Variants in OR13A1 observed in about 807,000 individuals in gnomAD.
OR13A1 encodes the protein olfactory receptor family 13 subfamily A member 1, also known as olfactory receptor 13A1.
In OR13A1, 10 loss-of-function variants were observed where a neutral mutation model predicts 7.5. That is an observed-to-expected ratio of 1.34 (90% confidence interval 0.83 to 2.27). The LOEUF is 2.27. Among genes scored for constraint, OR13A1 ranks in the 30% most tolerant of loss-of-function variants. The pLI is 0.00. For synonymous variants in OR13A1, 238 were observed against 177.9 expected (o/e 1.34, Z -2.69); for missense variants, 509 against 419.1 (o/e 1.21, Z -1.87).
intron 1 of OR13A1, among the ~76,000 whole-genome samples, chr10:45,312,151 A>G (rs1344190323): frequency 6.6e-6 from 1 of 152,122 alleles, no homozygotes. Context: ...ATTAGACCCC[A>G]TAAGGGCATG....
Position 45,309,862 on chromosome 10 carries a change from A to C in OR13A1, c.-224-2054T>G, listed in dbSNP as rs1261698289. On this transcript the variant is annotated intron_variant, in intron 1 of 3. Coordinates refer to ENST00000553795, the MANE Select transcript of OR13A1 (RefSeq NM_001004297.3). Reference sequence around the variant, plus strand: ...AGTTCATTAATGGCTTTGAGACTTTACTCTGTTTCTTAAATAGCTGCAGAA... The same window carrying C: ...AGTTCATTAATGGCTTTGAGACTTTCCTCTGTTTCTTAAATAGCTGCAGAA... 7.2e-5 allele frequency among the ~76,000 whole-genome samples: 11 copies of C among 152,282 alleles called. No homozygotes were observed. The East Asian group carries it at 2.1e-3, about 29-fold the overall frequency.
rs941261028 is a variant in OR13A1 at position 45,302,763 on chromosome 10, C to T, written c.*673G>A. The T allele has an allele frequency of 6.6e-6, 1 of 152,162 alleles. No homozygotes were observed. The highest frequency in any genetic ancestry group is 1.9e-4 in the East Asian group (1 of 5,188). 9.4% of individuals were successfully genotyped at this position (152,162 alleles called of 1,614,324 possible). ...GGATAGCAATGCCTTACTACAATGC[C>T]GTTTAACTTATTAGAGCTGACTCAT... On this transcript the variant is annotated 3_prime_UTR_variant, in exon 4 of 4. Transcript: ENST00000553795.
At chr10:45,310,025 G>A (rs979349118) in intron 1 of OR13A1, among the ~76,000 whole-genome samples, 3 of 152,110 alleles carry the variant, frequency 2.0e-5, no homozygotes, top group African/African-American at 7.2e-5. Flanking sequence ...CATGTTAGTT[G>A]TCATTATGAA....
At chr10:45,315,044 G>A (rs985426752) in intron 1 of OR13A1, among the ~76,000 whole-genome samples, 5 of 151,996 alleles carry the variant, frequency 3.3e-5, no homozygotes, top group Non-Finnish European at 1.5e-5. Context: ...CTCATTATAT[G>A]AGGCCAGTAT....
At chr10:45,315,095 G>T (rs1838500848) in intron 1 of OR13A1, among the ~76,000 whole-genome samples, 1 of 152,146 alleles carries the variant, frequency 6.6e-6, no homozygotes, top group Admixed American at 6.5e-5. Flanking sequence ...TACATGAAAA[G>T]AAAACTACAG....
intron 3 of OR13A1, among the ~76,000 whole-genome samples, chr10:45,306,376 C>T (rs1316438290): frequency 6.6e-6 from 1 of 151,744 alleles, no homozygotes; most frequent in Non-Finnish European, 1.5e-5. Flanking sequence ...TGGCGTGAAC[C>T]CGGGAGGCGG....
intron 1 of OR13A1, among the ~76,000 whole-genome samples, chr10:45,314,529 C>A (rs572687958): frequency 6.0e-5 from 9 of 149,228 alleles, no homozygotes; most frequent in Admixed American, 5.3e-4. Context: ...AAAACTACAC[C>A]CAAAGCTAGC....
intron 1 of OR13A1, among the ~76,000 whole-genome samples, chr10:45,314,163 G>T (rs947573310): frequency 6.6e-6 from 1 of 151,742 alleles, no homozygotes; most frequent in Non-Finnish European, 1.5e-5. Flanking sequence ...ACAAGCAATG[G>T]GTCAAAAAAG....
Position 45,303,693 on chromosome 10 carries a change from G to C in OR13A1, c.730C>G (p.Leu244Val), listed in dbSNP as rs370055480. The change falls in exon 4 of 4, where the codon CTG (leucine) becomes GTG (valine). Residue 244 changes from leucine (L) to valine (V), a missense_variant. Physicochemically the swap from Leu to Val is conservative, Grantham distance 32 (BLOSUM62 1). Transcript: ENST00000553795. ...ASYGFIVSSI[L>V]KVKTAWGRQK... ...CTCCCCCAGGCAGTCTTCACCTTCAGGATGCTGGAGACGATGAAGCCATAG... is the reference window on the plus strand; with the variant it reads ...CTCCCCCAGGCAGTCTTCACCTTCACGATGCTGGAGACGATGAAGCCATAG... 2.5e-5 allele frequency: 41 copies of C among 1,614,248 alleles called. 3 individuals carry two copies. Among genetic ancestry groups the C allele is most frequent in the East Asian group, 8.9e-5 (4 of 44,882 alleles).
chr10:45,315,390 A>G (rs1014514435), intron 1 of OR13A1, 134 bp downstream of exon 1: 1 of 152,210 alleles, frequency 6.6e-6, no homozygotes, highest in African/African-American at 2.4e-5. Context: ...AAACAGCATG[A>G]TCATTTATAT....
chr10:45,307,670 A>G (rs1029958105), intron 2 of OR13A1, 69 bp downstream of exon 2: 1 of 152,352 alleles, frequency 6.6e-6, no homozygotes, highest in Admixed American at 6.5e-5. Flanking sequence ...AGGCAAAATA[A>G]CACAATTTCA....
Position 45,303,310 on chromosome 10 carries a change from C to G in OR13A1, c.*126G>C. 9.8e-7 allele frequency: 1 copy of G among 1,020,760 alleles called. No homozygotes were observed. Among genetic ancestry groups the G allele is most frequent in the East Asian group, 2.4e-5 (1 of 41,492 alleles). The allele number at this position is 1,020,760 out of a possible 1,614,324, so 63.2% of individuals were successfully genotyped here. A position where few individuals can be genotyped will look rare whatever the true frequency, so the allele number is the denominator to read the frequency against. On this transcript the variant is annotated 3_prime_UTR_variant, in exon 4 of 4. Coordinates refer to ENST00000553795, the MANE Select transcript of OR13A1 (RefSeq NM_001004297.3). ...AGTCTCAGGGAACCAGCACTCCCAG[C>G]TCATCCATGCACAGGTTCTGCTGGG...
At chr10:45,309,339 T>C (rs1838398159) in intron 1 of OR13A1, among the ~76,000 whole-genome samples, 1 of 152,082 alleles carries the variant, frequency 6.6e-6, no homozygotes, top group South Asian at 2.1e-4. Context: ...CCTCTCCCTG[T>C]CCCTCATAAA....
chr10:45,315,295 C>T (rs985080002), intron 1 of OR13A1, among the ~76,000 whole-genome samples: 1 of 151,610 alleles, frequency 6.6e-6, no homozygotes, highest in African/African-American at 2.4e-5. Flanking sequence ...GCCAGAATGA[C>T]AGAATGAGAT....
rs1318308648 is a variant in OR13A1 at position 45,307,581 on chromosome 10, A to G, written c.-154-14T>C. 1 of 152,208 alleles carries G rather than the reference A, an allele frequency of 6.6e-6. No individual in the cohort carries two copies. The allele number at this position is 152,208 out of a possible 1,614,324, so 9.4% of individuals were successfully genotyped here. On this transcript the variant is annotated splice_polypyrimidine_tract_variant and intron_variant, in intron 2 of 3. Coordinates refer to ENST00000553795, the MANE Select transcript of OR13A1 (RefSeq NM_001004297.3). ...CAGTCATTTCTTCTGAAAAATAACA[A>G]AGACCTTGCTCCCTTGAGTTTCATA...
intron 1 of OR13A1, among the ~76,000 whole-genome samples, chr10:45,314,675 G>C (rs1278804796): frequency 1.3e-5 from 2 of 151,980 alleles, no homozygotes; most frequent in African/African-American, 4.8e-5. Flanking sequence ...TGCTTAGCTA[G>C]ATTAACTAAG....
At chr10:45,302,417 A>T (rs1484158956), downstream of OR13A1, 1 of 152,222 alleles carries the variant, frequency 6.6e-6, no homozygotes, top group Non-Finnish European at 1.5e-5. Context: ...TGCCAAAGCT[A>T]CAGTCAGCTA....
intron 1 of OR13A1, among the ~76,000 whole-genome samples, chr10:45,309,936 G>A (rs762581722): frequency 2.5e-4 from 38 of 152,148 alleles, no homozygotes; most frequent in Non-Finnish European, 8.8e-5. Flanking sequence ...TCAATATATA[G>A]AATGGGAATA....
intron 1 of OR13A1, among the ~76,000 whole-genome samples, chr10:45,312,049 T>G (rs770805553): frequency 1.3e-5 from 2 of 151,956 alleles, no homozygotes; most frequent in African/African-American, 2.4e-5. Flanking sequence ...AAAAGTATAA[T>G]AAACCTGCCC....
Sources: gnomAD v4.1 joint callset for allele counts (sites outside exome capture counted in the v4.1 genomes callset) on GRCh38, gnomAD v4.1.1 for gene constraint, MANE v1.5 for transcripts, NCBI Gene and HGNC (gene_info 2026-07-23, HGNC 2026-07-21) for gene names.